Variants in SYNJ1 observed in about 807,000 individuals in gnomAD.
The protein encoded by SYNJ1 is polyphosphatidylinositol phosphatase SYNJ1.
Under a neutral mutation model 168.2 loss-of-function variants are expected in SYNJ1, and 78 were observed. The observed-to-expected ratio is 0.46, with a 90% CI of 0.39 to 0.56. The LOEUF is 0.56. SYNJ1 is among the 20% of genes least tolerant of loss of function. SYNJ1 has a pLI of 0.00. For synonymous variants in SYNJ1, 539 were observed against 548.6 expected, an observed-to-expected ratio of 0.98 and a Z score of 0.24; for missense variants, 1,303 against 1,597.6, an observed-to-expected ratio of 0.82 and a Z score of 3.14.
At chr21:32,648,980 T>C (rs149080514) in intron 23 of SYNJ1, among the ~76,000 whole-genome samples, 2 of 152,238 alleles carry the variant, frequency 1.3e-5, no homozygotes, top group African/African-American at 4.8e-5. Flanking sequence ...GCTTTCTTCT[T>C]GGATCACTCC....
intron 2 of SYNJ1, among the ~76,000 whole-genome samples, chr21:32,704,627 G>A (rs557250385): frequency 9.2e-5 from 14 of 152,246 alleles, no homozygotes; most frequent in African/African-American, 3.4e-4. Context: ...TGGGTGTTAG[G>A]GGCACCCCGG....
rs577178051 is a variant in SYNJ1 at position 32,695,221 on chromosome 21, G to A, written c.541C>T (p.Arg181Cys). ...ATTTCTACTCCTCCACACATAAGACGTAATAACCAGTCATCACAATTCACG... is the reference window on the plus strand; with the variant it reads ...ATTTCTACTCCTCCACACATAAGACATAATAACCAGTCATCACAATTCACG... Reference protein sequence around the residue: ...YGVNCDDWLLRLMCGGVEIRT... With the variant: ...YGVNCDDWLLCLMCGGVEIRT... Residue 181 changes from arginine to cysteine, a missense_variant, in exon 5 of 33, where the codon CGT (arginine) becomes TGT (cysteine). Around this residue, in one of 2 missense-constraint regions of SYNJ1, gnomAD observed 920 missense variants for 1,208.8 expected, o/e 0.76. Transcript: ENST00000674351. 12 of 1,614,008 alleles carry A rather than the reference G, an allele frequency of 7.4e-6. No homozygotes were observed. Among genetic ancestry groups the A allele is most frequent in the East Asian group, 2.2e-5 (1 of 44,856 alleles).
At position 32,657,653 on chromosome 21, in the gene SYNJ1, T is replaced by G. The variant is rs1330076384; in HGVS notation, c.2461+63A>C. On this transcript the variant is annotated intron_variant, in intron 19 of 32. Transcript: ENST00000674351. ...AATATTCTCCTCATTTGATATTATGTCATTCCCTGCTTCCTCATAAGTTTA... is the reference window on the plus strand; with the variant it reads ...AATATTCTCCTCATTTGATATTATGGCATTCCCTGCTTCCTCATAAGTTTA... 5 of 1,451,896 alleles carry G rather than the reference T, an allele frequency of 3.4e-6. No individual in the cohort carries two copies. The East Asian group carries it at 1.2e-4, about 35-fold the overall frequency. The allele number at this position is 1,451,896 out of a possible 1,614,324, so 89.9% of individuals were successfully genotyped here. A position where few individuals can be genotyped will look rare whatever the true frequency, so the allele number is the denominator to read the frequency against.
In SYNJ1 at chr21:32,657,801, G is replaced by A; in HGVS notation, c.2376C>T (p.Asp792=). 6.2e-7 allele frequency: 1 copy of A among 1,614,168 alleles called. No individual in the cohort carries two copies. Among genetic ancestry groups the A allele is most frequent in the Non-Finnish European group, 8.5e-7 (1 of 1,180,016 alleles). Residue 792 remains aspartate (D), a synonymous_variant, in exon 19 of 33, where the codon GAC becomes GAT. Coordinates refer to ENST00000674351, the MANE Select transcript of SYNJ1 (RefSeq NM_203446.3). ...PTYKYDLFSD[D]YDTSEKCRTP... Reference sequence around the variant, plus strand: ...TGCGGCACTTTTCACTGGTGTCATAGTCGTCAGAAAACAAGTCATACTTAT... The same window carrying A: ...TGCGGCACTTTTCACTGGTGTCATAATCGTCAGAAAACAAGTCATACTTAT...
At chr21:32,713,743 T>C (rs1376346284) in intron 2 of SYNJ1, among the ~76,000 whole-genome samples, 1 of 148,668 alleles carries the variant, frequency 6.7e-6, no homozygotes, top group East Asian at 1.9e-4. Flanking sequence ...TCAACATGGA[T>C]GATTTCCCAT....
upstream of SYNJ1, chr21:32,728,181 G>T (rs1342716397): frequency 6.1e-6 from 6 of 981,552 alleles, no homozygotes; most frequent in East Asian, 3.0e-5. Context: ...AGCTACCTTT[G>T]CCTCCTGCGG....
At chr21:32,684,154 CA>C in intron 9 of SYNJ1, 35 bp from the exon 10 acceptor site, 14 of 1,593,894 alleles carry the variant, frequency 8.8e-6, no homozygotes, top group Non-Finnish European at 1.1e-5. Flanking sequence ...CAGTTTGGAA[CA>C]AAAATAAAGC....
intron 11 of SYNJ1, among the ~76,000 whole-genome samples, chr21:32,679,072 G>A (rs2041523679): frequency 6.6e-6 from 1 of 152,042 alleles, no homozygotes; most frequent in South Asian, 2.1e-4. Context: ...GGCAACAAAT[G>A]TTTAAAATTG....
intron 22 of SYNJ1, among the ~76,000 whole-genome samples, chr21:32,651,744 G>A (rs2040276802): frequency 6.6e-6 from 1 of 152,152 alleles, no homozygotes; most frequent in African/African-American, 2.4e-5. Flanking sequence ...AAGATACATA[G>A]AGGTTCACTG....
chr21:32,714,882 G>A lies in SYNJ1; in HGVS notation c.124+11890C>T, dbSNP rs543908700. Among the ~76,000 whole-genome samples the A allele has an allele frequency of 9.8e-5, 15 of 152,312 alleles. No individual in the cohort carries two copies. In the East Asian group the frequency reaches 1.9e-3, roughly 20 times the overall value. On this transcript the variant is annotated intron_variant, in intron 2 of 32. Transcript: ENST00000674351. ...AACACTCAATCCGGTGCAAGGGGAA[G>A]TGCATTTTCCTTTTGTGGGTTCTAA...
intron 18 of SYNJ1, 151 bp downstream of exon 18, chr21:32,664,762 T>A (rs2040858053): frequency 3.3e-6 from 2 of 613,952 alleles, no homozygotes; most frequent in South Asian, 3.3e-5. Flanking sequence ...CTGCTACACT[T>A]TAAGGAAAGA....
chr21:32,720,480 G>A (rs1361512228), intron 2 of SYNJ1, among the ~76,000 whole-genome samples: 1 of 152,138 alleles, frequency 6.6e-6, no homozygotes, highest in Non-Finnish European at 1.5e-5. Flanking sequence ...CTTATATTGA[G>A]TATTATATAT....
At chr21:32,648,554 T>C (rs1849984403) in intron 23 of SYNJ1, among the ~76,000 whole-genome samples, 1 of 152,238 alleles carries the variant, frequency 6.6e-6, no homozygotes, top group African/African-American at 2.4e-5. Flanking sequence ...TCTTGGCTCT[T>C]TGACATTTCT....
intron 22 of SYNJ1, among the ~76,000 whole-genome samples, chr21:32,652,238 T>C (rs1412595871): frequency 6.6e-6 from 1 of 151,950 alleles, no homozygotes; most frequent in Non-Finnish European, 1.5e-5. Flanking sequence ...TCTCGCTCTG[T>C]TGCCCAGGCT....
intron 6 of SYNJ1, among the ~76,000 whole-genome samples, 184 bp from the exon 7 acceptor site, chr21:32,688,551 T>C (rs1239524276): frequency 6.6e-6 from 1 of 152,186 alleles, no homozygotes. Flanking sequence ...TCCACCTTTA[T>C]TTTTAAAAAA....
At chr21:32,637,334 A>G (rs1043646917) in intron 31 of SYNJ1, among the ~76,000 whole-genome samples, 1 of 31,118 alleles carries the variant, frequency 3.2e-5, no homozygotes, top group Admixed American at 2.7e-4. Flanking sequence ...GGATTAGCAG[A>G]AAAAAAAAAT....
chr21:32,706,332 AGAGGATAAG>A (rs2042607895), intron 2 of SYNJ1, among the ~76,000 whole-genome samples: 1 of 152,210 alleles, frequency 6.6e-6, no homozygotes, highest in Non-Finnish European at 1.5e-5. Flanking sequence ...AAAATTGAAG[AGAGGATAAG>A]GATTAGATAG....
In SYNJ1 at chr21:32,646,453, A is replaced by G. The variant is rs767636058; in HGVS notation, c.3187T>C (p.Ser1063Pro). 1.2e-6 allele frequency: 2 copies of G among 1,614,146 alleles called. No homozygotes were observed. The highest frequency in any genetic ancestry group is 3.3e-5 in the Admixed American group (2 of 60,024). ...GCTCGGCTTGGTCTGATGGGAAGGG[A>G]AGGTACAGGACCCTCTGATATTGTA... ...SPTISEGPVP[S>P]LPIRPSRAPS... Residue 1063 changes from serine (S) to proline (P), a missense_variant, in exon 24 of 33, where the codon TCC (serine) becomes CCC (proline). Ser to Pro is a moderately conservative substitution (Grantham distance 74). Coordinates refer to ENST00000674351, the MANE Select transcript of SYNJ1 (RefSeq NM_203446.3).
Position 32,702,304 on chromosome 21 carries a change from T to C in SYNJ1, c.125-257A>G, listed in dbSNP as rs142238990. Among the ~76,000 whole-genome samples, 787 of 152,336 alleles carry C rather than the reference T, an allele frequency of 5.2e-3. 3 individuals carry two copies. Among genetic ancestry groups the C allele is most frequent in the Non-Finnish European group, 8.1e-3 (550 of 68,028 alleles). ...TCTTACCCTTTTATTCTTGACAGAATAGTGCTCGACACTTAGAAACTGACA... is the reference window on the plus strand; with the variant it reads ...TCTTACCCTTTTATTCTTGACAGAACAGTGCTCGACACTTAGAAACTGACA... On this transcript the variant is annotated intron_variant, in intron 2 of 32. Coordinates refer to ENST00000674351, the MANE Select transcript of SYNJ1 (RefSeq NM_203446.3).
Sources: gnomAD v4.1 joint callset for allele counts (sites outside exome capture counted in the v4.1 genomes callset) on GRCh38, gnomAD v4.1.1 for gene constraint, gnomAD v4.1.1 regional missense constraint, MANE v1.5 for transcripts, NCBI Gene and HGNC (gene_info 2026-07-23, HGNC 2026-07-21) for gene names.